The following LINGO2 variants were observed in gnomAD, a reference collection of about 807,000 sequenced individuals.
LINGO2 encodes the protein leucine-rich repeat and immunoglobulin-like domain-containing nogo receptor-interacting protein 2.
A neutral mutation model predicts 30.6 loss-of-function variants in LINGO2; 14 were observed. The observed-to-expected ratio is 0.46, with a 90% CI of 0.30 to 0.72. The LOEUF is 0.72. Ranked by LOEUF, LINGO2 falls within the 30% of genes least tolerant of loss-of-function variation. The pLI is 0.07. For missense variants in LINGO2, 729 were observed against 751.7 expected (o/e 0.97, Z 0.35); for synonymous variants, 317 against 288.5 (o/e 1.10, Z -1.00).
the LINGO2 span, among the ~76,000 whole-genome samples, chr9:28,879,254 T>TC: frequency 8.8e-6 from 1 of 113,840 alleles, no homozygotes; most frequent in African/African-American, 4.7e-5. Context: ...TCTAGTATTA[T>TC]TTTTTAATAG....
chr9:28,919,476 A>C, the LINGO2 span, among the ~76,000 whole-genome samples: 1 of 152,188 alleles, frequency 6.6e-6, no homozygotes, highest in African/African-American at 2.4e-5. Flanking sequence ...ATGAATAAGT[A>C]ACATCACTTG....
the LINGO2 span, among the ~76,000 whole-genome samples, chr9:28,884,940 A>ATATATAATATTTTATATATATAATAT: frequency 7.4e-5 from 1 of 13,566 alleles, no homozygotes; most frequent in African/African-American, 2.0e-4. Flanking sequence ...ATTATATATA[A>ATATATAATATTTTATATATATAATAT]TATATATAAT....
chr9:28,459,431 T>C (rs547169056), intron 2 of LINGO2, among the ~76,000 whole-genome samples: 2 of 152,224 alleles, frequency 1.3e-5, no homozygotes, highest in South Asian at 4.1e-4. Flanking sequence ...CTTCAGCTCA[T>C]TGGGTAGTTG....
chr9:28,050,837 G>T (rs1238732612), intron 4 of LINGO2, among the ~76,000 whole-genome samples: 1 of 150,930 alleles, frequency 6.6e-6, no homozygotes, highest in East Asian at 2.0e-4. Context: ...ATGTGTAAGT[G>T]GGGCAAATGT....
chr9:29,083,698 C>G, the LINGO2 span, among the ~76,000 whole-genome samples: 21 of 151,940 alleles, frequency 1.4e-4, no homozygotes, highest in Admixed American at 1.1e-3. Flanking sequence ...GAAGTTCACA[C>G]TAAAAAGTAA....
the LINGO2 span, among the ~76,000 whole-genome samples, chr9:28,719,466 T>G: frequency 6.6e-6 from 1 of 151,978 alleles, no homozygotes; most frequent in African/African-American, 2.4e-5. Flanking sequence ...CCTCCCAAAC[T>G]CATCAGTGTA....
chr9:29,169,951 C>T, the LINGO2 span, among the ~76,000 whole-genome samples: 767 of 150,984 alleles, frequency 5.1e-3, 2 homozygotes, highest in Non-Finnish European at 6.8e-3. Flanking sequence ...GCCAAGCTCG[C>T]GCCATTGCAC....
At chr9:28,696,372 C>G in the LINGO2 span, among the ~76,000 whole-genome samples, 2 of 151,872 alleles carry the variant, frequency 1.3e-5, no homozygotes, top group Non-Finnish European at 2.9e-5. Context: ...TGAAGTCACA[C>G]AGAAGTAAGA....
intron 2 of LINGO2, among the ~76,000 whole-genome samples, chr9:28,436,550 C>T (rs943491941): frequency 1.3e-5 from 2 of 151,932 alleles, no homozygotes; most frequent in African/African-American, 4.8e-5. Flanking sequence ...CTCCGCCTCC[C>T]GGGTTCACGC....
At chr9:28,755,668 A>C in the LINGO2 span, among the ~76,000 whole-genome samples, 445 of 152,208 alleles carry the variant, frequency 2.9e-3, 6 homozygotes, top group African/African-American at 0.01. Context: ...GTGAGTTGTT[A>C]AACTACAGTC....
intron 4 of LINGO2, among the ~76,000 whole-genome samples, chr9:28,261,076 CTGCT>C (rs1822548288): frequency 6.6e-6 from 1 of 151,860 alleles, no homozygotes; most frequent in South Asian, 2.1e-4. Flanking sequence ...TTATTTTTTA[CTGCT>C]TAATTACTGT....
chr9:28,630,171 T>G (rs76057742), intron 1 of LINGO2, among the ~76,000 whole-genome samples: 4 of 151,886 alleles, frequency 2.6e-5, no homozygotes, highest in African/African-American at 9.7e-5. Flanking sequence ...TGTAACTAAC[T>G]TGCACAATGT....
chr9:28,815,849 C>G, the LINGO2 span, among the ~76,000 whole-genome samples: 2 of 152,160 alleles, frequency 1.3e-5, no homozygotes, highest in Admixed American at 6.5e-5. Context: ...AAATCCCCAC[C>G]TTAGTCTTGC....
chr9:28,491,596 TG>T (rs1474249369), intron 1 of LINGO2, among the ~76,000 whole-genome samples: 1 of 152,238 alleles, frequency 6.6e-6, no homozygotes, highest in African/African-American at 2.4e-5. Flanking sequence ...ACTATGTTTT[TG>T]TATTAACTTT....
the LINGO2 span, among the ~76,000 whole-genome samples, chr9:28,923,511 A>C: frequency 6.6e-6 from 1 of 152,186 alleles, no homozygotes; most frequent in Non-Finnish European, 1.5e-5. Context: ...TCCACCAAAA[A>C]TCTTTTGCCA....
chr9:29,075,320 G>A, the LINGO2 span, among the ~76,000 whole-genome samples: 1 of 152,132 alleles, frequency 6.6e-6, no homozygotes, highest in East Asian at 1.9e-4. Context: ...AGGTTTAAAT[G>A]CCAGAACATT....
chr9:28,161,679 TTA>T (rs1828291956), intron 4 of LINGO2, among the ~76,000 whole-genome samples: 1 of 152,084 alleles, frequency 6.6e-6, no homozygotes, highest in South Asian at 2.1e-4. Context: ...GTTGTATGTC[TTA>T]TGTTATCAAG....
the LINGO2 span, among the ~76,000 whole-genome samples, chr9:29,142,644 TCAACATAATAAAGGC>T: frequency 6.6e-6 from 1 of 151,818 alleles, no homozygotes; most frequent in South Asian, 2.1e-4. Flanking sequence ...AGAAATTGCC[TCAACATAATAAAGGC>T]CATATATGAA....
chr9:28,493,350 T>C (rs557756638), intron 1 of LINGO2, among the ~76,000 whole-genome samples: 14 of 152,248 alleles, frequency 9.2e-5, no homozygotes, highest in Non-Finnish European at 1.8e-4. Context: ...ATATCACTTT[T>C]AAAATCAACA....
Sources: gnomAD v4.1 joint callset for allele counts (sites outside exome capture counted in the v4.1 genomes callset) on GRCh38, gnomAD v4.1.1 for gene constraint, MANE v1.5 for transcripts, NCBI Gene and HGNC (gene_info 2026-07-23, HGNC 2026-07-21) for gene names.